The following OSBPL6 variants were observed in gnomAD, a reference collection of about 807,000 sequenced individuals.
OSBPL6 encodes oxysterol-binding protein-related protein 6.
OSBPL6 carries 49 observed loss-of-function variants against 125.8 expected under a neutral mutation model. That is an observed-to-expected ratio of 0.39 (90% CI 0.31 to 0.49). OSBPL6 has a LOEUF of 0.49. Ranked by LOEUF, OSBPL6 falls within the 20% of genes least tolerant of loss-of-function variation. The probability of loss-of-function intolerance (pLI) is 0.88; values close to 1 mark genes in which losing one functional copy is unlikely to be tolerated. For synonymous variants in OSBPL6, 394 were observed against 391.8 expected (o/e 1.01, Z -0.07); for missense variants, 986 against 1,135.4 (o/e 0.87, Z 1.89).
chr2:178,323,285 C>A (rs1382956774), intron 3 of OSBPL6, among the ~76,000 whole-genome samples: 1 of 152,122 alleles, frequency 6.6e-6, no homozygotes, highest in East Asian at 1.9e-4. Flanking sequence ...AAATGTTTTA[C>A]ATGTGTTAAC....
intron 1 of OSBPL6, among the ~76,000 whole-genome samples, chr2:178,247,533 AG>A (rs1014885406): frequency 2.0e-5 from 3 of 151,970 alleles, no homozygotes; most frequent in African/African-American, 7.3e-5. Flanking sequence ...GTGGATGGTG[AG>A]GGTCTGGCAT....
chr2:178,355,972 A>G (rs1691748238), intron 12 of OSBPL6, among the ~76,000 whole-genome samples: 1 of 152,270 alleles, frequency 6.6e-6, no homozygotes, highest in Non-Finnish European at 1.5e-5. Context: ...CATAAACAGA[A>G]TCAATGACAA....
intron 5 of OSBPL6, among the ~76,000 whole-genome samples, chr2:178,330,803 T>C (rs543049688): frequency 6.6e-6 from 1 of 152,310 alleles, no homozygotes; most frequent in East Asian, 1.9e-4. Flanking sequence ...GAGCTGTTTG[T>C]TCTCTTGTGA....
intron 1 of OSBPL6, among the ~76,000 whole-genome samples, chr2:178,245,717 C>T (rs138262969): frequency 1.1e-3 from 175 of 152,264 alleles, no homozygotes; most frequent in Non-Finnish European, 4.4e-4. Context: ...GCCTTTGGAG[C>T]AGCTTGGGGA....
chr2:178,244,094 T>C (rs915534413), intron 1 of OSBPL6, among the ~76,000 whole-genome samples: 2 of 152,230 alleles, frequency 1.3e-5, no homozygotes, highest in African/African-American at 4.8e-5. Context: ...CACCACCTCA[T>C]TTCATGCCCT....
intron 1 of OSBPL6, among the ~76,000 whole-genome samples, chr2:178,260,419 A>G (rs1009033680): frequency 6.6e-6 from 1 of 151,988 alleles, no homozygotes; most frequent in Non-Finnish European, 1.5e-5. Context: ...ATGTGTATGT[A>G]TGTGTCTGTC....
chr2:178,373,580 A>T (rs1393771982), intron 14 of OSBPL6, among the ~76,000 whole-genome samples: 1 of 152,240 alleles, frequency 6.6e-6, no homozygotes, highest in Non-Finnish European at 1.5e-5. Flanking sequence ...CAGACCTAAG[A>T]ATAAGAGAAT....
chr2:178,308,851 A>G (rs2154061921), intron 3 of OSBPL6, among the ~76,000 whole-genome samples: 1 of 152,250 alleles, frequency 6.6e-6, no homozygotes, highest in South Asian at 2.1e-4. Flanking sequence ...AGGATCCTGC[A>G]GAGTGCGCTT....
At chr2:178,299,025 T>G (rs778813569) in intron 2 of OSBPL6, among the ~76,000 whole-genome samples, 2 of 152,290 alleles carry the variant, frequency 1.3e-5, no homozygotes, top group Non-Finnish European at 2.9e-5. Flanking sequence ...CAAAAAGTCT[T>G]AGCACTGTGC....
chr2:178,396,168 A>C lies in OSBPL6; in HGVS notation c.*609A>C, dbSNP rs779461076. On this transcript the variant is annotated 3_prime_UTR_variant, in exon 25 of 25. Transcript: ENST00000190611. ...TTTTAAAATGTGTGCTCATAGGTTTATGTGAAGAACAGATTTTTTGAATCA... is the reference window on the plus strand; with the variant it reads ...TTTTAAAATGTGTGCTCATAGGTTTCTGTGAAGAACAGATTTTTTGAATCA... The C allele has an allele frequency of 6.1e-6, 1 of 163,124 alleles. No homozygotes were observed. Among genetic ancestry groups the C allele is most frequent in the East Asian group, 1.7e-4 (1 of 5,996 alleles). The allele number at this position is 163,124 out of a possible 1,614,324, so 10.1% of individuals were successfully genotyped here. A position where few individuals can be genotyped will look rare whatever the true frequency, so the allele number is the denominator to read the frequency against.
At position 178,400,397 on chromosome 2, in the gene OSBPL6, G is replaced by A. The variant is rs1696068431; in HGVS notation, c.*4838G>A. On this transcript the variant is annotated 3_prime_UTR_variant, in exon 25 of 25. Transcript: ENST00000190611. ...CGCCTCCCAGGTTCAAGGGATTCTTGTGCCTCAGCCTCCCGAGTAGCTGGG... is the reference window on the plus strand; with the variant it reads ...CGCCTCCCAGGTTCAAGGGATTCTTATGCCTCAGCCTCCCGAGTAGCTGGG... The A allele has an allele frequency of 6.7e-6, 1 of 150,350 alleles. No individual in the cohort carries two copies. Among genetic ancestry groups the A allele is most frequent in the Non-Finnish European group, 1.5e-5 (1 of 67,820 alleles). The allele number at this position is 150,350 out of a possible 1,614,324, so 9.3% of individuals were successfully genotyped here. A position where few individuals can be genotyped will look rare whatever the true frequency, so the allele number is the denominator to read the frequency against.
intron 3 of OSBPL6, among the ~76,000 whole-genome samples, chr2:178,306,695 G>A (rs1686796566): frequency 6.6e-6 from 1 of 152,130 alleles, no homozygotes. Context: ...GGTATTTTGT[G>A]GAATCTGGTA....
chr2:178,200,246 C>CTTTT (rs1559108007), intron 1 of OSBPL6, among the ~76,000 whole-genome samples: 2 of 133,596 alleles, frequency 1.5e-5, no homozygotes, highest in South Asian at 2.7e-4. Context: ...TTTCTTCAGA[C>CTTTT]CTTTTTTTTT....
intron 15 of OSBPL6, among the ~76,000 whole-genome samples, chr2:178,381,631 G>A (rs1256640670): frequency 6.6e-6 from 1 of 152,084 alleles, no homozygotes; most frequent in African/African-American, 2.4e-5. Flanking sequence ...GGGATTACAG[G>A]CGTGAGCCAC....
intron 9 of OSBPL6, 134 bp from the exon 10 acceptor site, chr2:178,338,856 AC>A: frequency 1.7e-6 from 1 of 605,278 alleles, no homozygotes; most frequent in East Asian, 2.9e-5. Context: ...GTTTTGTTTC[AC>A]CTGCCAGTAT....
At chr2:178,352,156 C>G (rs1332120746) in intron 12 of OSBPL6, among the ~76,000 whole-genome samples, 9 of 152,214 alleles carry the variant, frequency 5.9e-5, no homozygotes, top group Admixed American at 5.9e-4. Flanking sequence ...CATTCTGCAG[C>G]TCCCAGTGTG....
intron 1 of OSBPL6, among the ~76,000 whole-genome samples, chr2:178,225,920 C>G (rs2090541973): frequency 6.6e-6 from 1 of 152,160 alleles, no homozygotes; most frequent in African/African-American, 2.4e-5. Flanking sequence ...AGAGCCAAAC[C>G]ATATCAGATG....
rs953638518 is a variant in OSBPL6, at chr2:178,398,437, G to C, written c.*2878G>C. The C allele has an allele frequency of 6.6e-6, 1 of 152,170 alleles. No individual in the cohort carries two copies. The highest frequency in any genetic ancestry group is 1.5e-5 in the Non-Finnish European group (1 of 68,044). The allele number at this position is 152,170 out of a possible 1,614,324, so 9.4% of individuals were successfully genotyped here. ...TTCTGAGGACTTGGCTAGACTGAGC[G>C]GATCAATGGCACACACCAGCACTGG... On this transcript the variant is annotated 3_prime_UTR_variant, in exon 25 of 25. Coordinates refer to ENST00000190611, the MANE Select transcript of OSBPL6 (RefSeq NM_032523.4).
intron 12 of OSBPL6, among the ~76,000 whole-genome samples, chr2:178,352,425 A>G (rs778020334): frequency 1.3e-5 from 2 of 152,234 alleles, no homozygotes. Context: ...CCAGCAGACA[A>G]GGAGATTCTC....
Sources: allele counts gnomAD v4.1 joint callset (sites outside exome capture counted in the v4.1 genomes callset), GRCh38; gene constraint gnomAD v4.1.1; transcripts MANE v1.5; gene names NCBI Gene and HGNC (gene_info 2026-07-23, HGNC 2026-07-21).